KSR2: variants seen among roughly 807,000 people sequenced by gnomAD.
KSR2 encodes the protein kinase suppressor of ras 2.
In KSR2, 25 loss-of-function variants were observed where a neutral mutation model predicts 107.8. The ratio of observed to expected loss-of-function variants is 0.23; its 90% CI spans 0.17 to 0.32. The LOEUF (loss-of-function observed/expected upper bound fraction) is 0.32. Ranked by LOEUF, KSR2 falls within the 10% of genes least tolerant of loss-of-function variation. The probability of loss-of-function intolerance (pLI) is 1.00; values close to 1 mark genes in which losing one functional copy is unlikely to be tolerated. For missense variants in KSR2, 887 were observed against 1,268.9 expected (o/e 0.70, Z 4.57); for synonymous variants, 480 against 507.0 (o/e 0.95, Z 0.71).
intron 5 of KSR2, among the ~76,000 whole-genome samples, chr12:117,583,606 A>T (rs560700337): frequency 1.3e-5 from 2 of 152,254 alleles, no homozygotes; most frequent in East Asian, 3.9e-4. Flanking sequence ...CCTTAGGCTA[A>T]ATCTCAGCGA....
At chr12:117,631,492 G>C (rs1478854275) in intron 5 of KSR2, among the ~76,000 whole-genome samples, 1 of 152,038 alleles carries the variant, frequency 6.6e-6, no homozygotes, top group African/African-American at 2.4e-5. Flanking sequence ...ATTCTTCTTT[G>C]TGATTATCAT....
intron 11 of KSR2, 61 bp downstream of exon 11, chr12:117,531,605 A>G (rs940712759): frequency 6.9e-7 from 1 of 1,459,408 alleles, no homozygotes; most frequent in African/African-American, 1.4e-5. Context: ...CATCCCAGAA[A>G]CTCCTGCAAT....
At chr12:117,858,306 C>A (rs772073940) in intron 2 of KSR2, among the ~76,000 whole-genome samples, 4 of 152,126 alleles carry the variant, frequency 2.6e-5, no homozygotes, top group Non-Finnish European at 4.4e-5. Context: ...AAAAGAAATG[C>A]CCTGAGCCAT....
intron 4 of KSR2, among the ~76,000 whole-genome samples, chr12:117,738,385 T>C (rs479810): frequency 0.81 from 123,808 of 152,090 alleles, 50,629 homozygotes; most frequent in South Asian, 0.91. Flanking sequence ...CATCATAGAG[T>C]GTACTGACAC....
At chr12:117,787,503 C>T (rs1890119741) in intron 3 of KSR2, among the ~76,000 whole-genome samples, 1 of 152,030 alleles carries the variant, frequency 6.6e-6, no homozygotes, top group Non-Finnish European at 1.5e-5. Flanking sequence ...CACAGCGGCA[C>T]ATGCCTGTAA....
intron 9 of KSR2, among the ~76,000 whole-genome samples, chr12:117,544,881 G>A (rs1264946025): frequency 2.0e-5 from 3 of 152,158 alleles, no homozygotes; most frequent in African/African-American, 7.2e-5. Flanking sequence ...AATAAGAATG[G>A]TGAGAGTGGA....
chr12:117,711,972 C>T (rs532214697), intron 4 of KSR2, among the ~76,000 whole-genome samples: 4 of 152,166 alleles, frequency 2.6e-5, no homozygotes, highest in Non-Finnish European at 5.9e-5. Flanking sequence ...GCAGAGCTGG[C>T]CTCAGGGCAA....
At chr12:117,945,472 C>T (rs573250595) in intron 1 of KSR2, among the ~76,000 whole-genome samples, 33 of 152,218 alleles carry the variant, frequency 2.2e-4, no homozygotes, top group African/African-American at 7.7e-4. Context: ...GAAAGGAGTT[C>T]AAGATCAGCC....
Position 117,709,416 on chromosome 12 carries a change from C to T in KSR2, c.987-41758G>A, listed in dbSNP as rs372278460. On this transcript the variant is annotated intron_variant, in intron 4 of 19. Transcript: ENST00000339824. Reference sequence around the variant, plus strand: ...TGGTGCAATCATAGCTCACTACTCCCGGGCTCAAGTGATCCTCCCATCTCA... The same window carrying T: ...TGGTGCAATCATAGCTCACTACTCCTGGGCTCAAGTGATCCTCCCATCTCA... 5.3e-5 allele frequency among the ~76,000 whole-genome samples: 8 copies of T among 152,144 alleles called. No individual in the cohort carries two copies. In the East Asian group the frequency reaches 7.7e-4, roughly 15 times the overall value.
At chr12:117,873,046 C>T (rs114894505) in intron 1 of KSR2, among the ~76,000 whole-genome samples, 1,614 of 152,214 alleles carry the variant, frequency 0.011, 29 homozygotes, top group African/African-American at 0.035. Context: ...TCAAGAGAGA[C>T]GCCTTTTAAA....
At chr12:117,773,731 G>A (rs1566007510) in intron 3 of KSR2, among the ~76,000 whole-genome samples, 1 of 152,188 alleles carries the variant, frequency 6.6e-6, no homozygotes, top group Non-Finnish European at 1.5e-5. Context: ...GAAAAAAACT[G>A]TTTTTTGGTT....
At chr12:117,871,595 CAA>C (rs139592636) in intron 1 of KSR2, among the ~76,000 whole-genome samples, 12 of 121,410 alleles carry the variant, frequency 9.9e-5, no homozygotes, top group African/African-American at 3.0e-5. Flanking sequence ...GACCCTGTCT[CAA>C]AAAAAAAAAA....
chr12:117,818,573 T>C (rs1891456098), intron 3 of KSR2, among the ~76,000 whole-genome samples: 1 of 152,196 alleles, frequency 6.6e-6, no homozygotes, highest in Non-Finnish European at 1.5e-5. Flanking sequence ...AATGAGCCCA[T>C]AGCAAGTGCT....
chr12:117,849,058 C>T lies in KSR2; in HGVS notation c.472+6370G>A, dbSNP rs113705917. On this transcript the variant is annotated intron_variant, in intron 3 of 19. Coordinates refer to ENST00000339824, the MANE Select transcript of KSR2 (RefSeq NM_173598.6). ...TAGGTGGCAGAGCCAGAACTTAAAC[C>T]CAAGTTTGTTGGACTCCAGATTCCA... Among the ~76,000 whole-genome samples the T allele has an allele frequency of 7.3e-3, 1,103 of 152,138 alleles. 15 individuals carry two copies. The highest frequency in any genetic ancestry group is 0.025 in the African/African-American group (1,032 of 41,482).
rs79526023 is a variant in KSR2 at position 117,795,438 on chromosome 12, A to T, written c.473-33914T>A. Among the ~76,000 whole-genome samples, 1,391 of 152,288 alleles carry T rather than the reference A, an allele frequency of 9.1e-3. 20 individuals carry two copies. Among genetic ancestry groups the T allele is most frequent in the African/African-American group, 0.032 (1,343 of 41,540 alleles). Reference sequence around the variant, plus strand: ...GCCAAGTGGAACAGACTGGAATGCCAGAAGAGCACAAGATTCAGAGAAATG... The same window carrying T: ...GCCAAGTGGAACAGACTGGAATGCCTGAAGAGCACAAGATTCAGAGAAATG... On this transcript the variant is annotated intron_variant, in intron 3 of 19. Transcript: ENST00000339824.
chr12:117,468,655 G>T (rs935029935), intron 19 of KSR2, among the ~76,000 whole-genome samples: 9 of 152,132 alleles, frequency 5.9e-5, no homozygotes, highest in African/African-American at 2.2e-4. Context: ...CTGTATCTGT[G>T]GGTACTGCTT....
intron 3 of KSR2, among the ~76,000 whole-genome samples, chr12:117,806,885 G>A (rs1891027914): frequency 6.6e-6 from 1 of 152,182 alleles, no homozygotes; most frequent in African/African-American, 2.4e-5. Context: ...TCGGTGAACC[G>A]AATCGAAACT....
At chr12:117,547,147 T>C (rs1360528671) in intron 9 of KSR2, among the ~76,000 whole-genome samples, 1 of 152,206 alleles carries the variant, frequency 6.6e-6, no homozygotes, top group African/African-American at 2.4e-5. Flanking sequence ...ATTTCTGACA[T>C]TGCTCTAGCA....
At chr12:117,561,217 A>C (rs1422289533) in intron 7 of KSR2, among the ~76,000 whole-genome samples, 1 of 152,228 alleles carries the variant, frequency 6.6e-6, no homozygotes, top group Non-Finnish European at 1.5e-5. Flanking sequence ...TTAGACTGGG[A>C]AAAGTTGACT....
Sources: allele counts gnomAD v4.1 joint callset (sites outside exome capture counted in the v4.1 genomes callset), GRCh38; gene constraint gnomAD v4.1.1; transcripts MANE v1.5; gene names NCBI Gene and HGNC (gene_info 2026-07-23, HGNC 2026-07-21).